Variants in C14orf39 observed in about 807,000 individuals in gnomAD.
C14orf39 encodes the protein protein SIX6OS1.
Under a neutral mutation model 85.6 loss-of-function variants are expected in C14orf39, and 66 were observed. The ratio of observed to expected loss-of-function variants is 0.77; its 90% CI spans 0.63 to 0.95. C14orf39 has a LOEUF of 0.95. Among genes scored for constraint, C14orf39 ranks in the 40% least tolerant of loss-of-function variants. The probability of loss-of-function intolerance (pLI) is 0.00; values close to 1 mark genes in which losing one functional copy is unlikely to be tolerated. For missense variants in C14orf39, 735 were observed against 663.9 expected (o/e 1.11, Z -1.18); for synonymous variants, 242 against 214.0 (o/e 1.13, Z -1.14).
chr14:60,459,866 A>G (rs1223329712), intron 13 of C14orf39, among the ~76,000 whole-genome samples: 1 of 151,766 alleles, frequency 6.6e-6, no homozygotes, highest in Non-Finnish European at 1.5e-5. Context: ...AAACTACTCT[A>G]TTGAAAGTTT....
chr14:60,462,407 A>C (rs1891574248), intron 11 of C14orf39, among the ~76,000 whole-genome samples: 1 of 152,180 alleles, frequency 6.6e-6, no homozygotes, highest in South Asian at 2.1e-4. Context: ...AAATTGTTTA[A>C]TATCAATATC....
intron 5 of C14orf39, among the ~76,000 whole-genome samples, chr14:60,475,054 A>G (rs537957458): frequency 3.3e-4 from 50 of 152,264 alleles, no homozygotes; most frequent in African/African-American, 1.2e-3. Context: ...TTGGTAAACT[A>G]TTAATTATTT....
chr14:60,469,771 T>A, intron 7 of C14orf39, 118 bp from the exon 8 acceptor site: 1 of 461,950 alleles, frequency 2.2e-6, no homozygotes, highest in Non-Finnish European at 3.5e-6. Context: ...ATATAAACAG[T>A]AAGCAATATT....
intron 1 of C14orf39, chr14:60,509,908 G>A: frequency 6.2e-7 from 1 of 1,612,246 alleles, no homozygotes; most frequent in Non-Finnish European, 8.5e-7. Flanking sequence ...TGACCCCTAC[G>A]CAGGTGGGCA....
intron 1 of C14orf39, among the ~76,000 whole-genome samples, chr14:60,505,288 T>C (rs1893188346): frequency 6.6e-6 from 1 of 152,200 alleles, no homozygotes; most frequent in South Asian, 2.1e-4. Context: ...AAGTAGGATA[T>C]TGAATTCATT....
rs770969779 is a variant in C14orf39, at chr14:60,466,940, T to C, written c.872A>G (p.His291Arg). The part of the protein sequence containing the change: ...SQKLVRPIKM[H>R]SSEPRVADIK... Reference sequence around the variant, plus strand: ...ACCTGCAACTCTTGGTTCTGAAGAATGCATCTTTATTGGTCTTACTAATTT... The same window carrying C: ...ACCTGCAACTCTTGGTTCTGAAGAACGCATCTTTATTGGTCTTACTAATTT... Residue 291 changes from histidine to arginine, a missense_variant, in exon 10 of 18, where the codon CAT becomes CGT. Transcript: ENST00000321731. 4.7e-6 allele frequency: 7 copies of C among 1,485,484 alleles called. No homozygotes were observed. The highest frequency in any genetic ancestry group is 2.6e-5 in the East Asian group (1 of 38,742). The allele number at this position is 1,485,484 out of a possible 1,614,324, so 92.0% of individuals were successfully genotyped here.
intron 17 of C14orf39, among the ~76,000 whole-genome samples, chr14:60,440,427 T>C (rs966660850): frequency 2.6e-5 from 4 of 152,220 alleles, no homozygotes; most frequent in African/African-American, 9.6e-5. Flanking sequence ...TCAATCCTTA[T>C]ATCCAGTCCA....
At chr14:60,504,435 A>G (rs909055650) in intron 1 of C14orf39, among the ~76,000 whole-genome samples, 5 of 152,240 alleles carry the variant, frequency 3.3e-5, no homozygotes, top group Non-Finnish European at 4.4e-5. Flanking sequence ...CTTTCACATC[A>G]TTGAATTTTA....
chr14:60,446,338 A>G (rs1890764951), intron 16 of C14orf39, among the ~76,000 whole-genome samples: 1 of 152,200 alleles, frequency 6.6e-6, no homozygotes. Flanking sequence ...GAAGAATCAA[A>G]TAGATGCAAT....
intron 16 of C14orf39, among the ~76,000 whole-genome samples, chr14:60,448,981 A>T (rs1403723077): frequency 1.3e-5 from 2 of 152,186 alleles, no homozygotes; most frequent in Non-Finnish European, 2.9e-5. Context: ...GTGGAAACTG[A>T]ACAATGAGAA....
intron 5 of C14orf39, among the ~76,000 whole-genome samples, chr14:60,473,042 T>A (rs1892180853): frequency 6.6e-6 from 1 of 152,186 alleles, no homozygotes; most frequent in Admixed American, 6.5e-5. Flanking sequence ...GTGTTCCTAT[T>A]TCCCCACATC....
At chr14:60,440,928 G>T (rs1890481396) in intron 17 of C14orf39, among the ~76,000 whole-genome samples, 1 of 152,024 alleles carries the variant, frequency 6.6e-6, no homozygotes. Context: ...TTGACTTTTA[G>T]TGATGCCTTT....
At chr14:60,453,917 TATTC>T (rs1166568500) in intron 16 of C14orf39, among the ~76,000 whole-genome samples, 1 of 151,976 alleles carries the variant, frequency 6.6e-6, no homozygotes. Flanking sequence ...TGTGTTTATG[TATTC>T]ATTAACTTTT....
At chr14:60,443,314 C>T (rs941195207) in intron 16 of C14orf39, among the ~76,000 whole-genome samples, 13 of 152,152 alleles carry the variant, frequency 8.5e-5, no homozygotes, top group South Asian at 4.1e-4. Flanking sequence ...AGTACACTCC[C>T]GCCCAAATAC....
intron 11 of C14orf39, among the ~76,000 whole-genome samples, chr14:60,463,386 TTATCA>T (rs1891625176): frequency 1.3e-5 from 2 of 152,188 alleles, no homozygotes; most frequent in African/African-American, 2.4e-5. Flanking sequence ...TTAGTGTCTC[TTATCA>T]TATATGTTTT....
At chr14:60,464,695 T>C (rs1311667923) in intron 11 of C14orf39, among the ~76,000 whole-genome samples, 2 of 152,132 alleles carry the variant, frequency 1.3e-5, no homozygotes, top group Non-Finnish European at 2.9e-5. Context: ...ATTTGCCTGA[T>C]ATATTTTCTT....
At chr14:60,483,449 A>G (rs902777026) in intron 4 of C14orf39, among the ~76,000 whole-genome samples, 1 of 152,210 alleles carries the variant, frequency 6.6e-6, no homozygotes, top group Non-Finnish European at 1.5e-5. Context: ...TTATATACTG[A>G]GCTTATTCAA....
chr14:60,442,019 T>C, intron 17 of C14orf39, 55 bp downstream of exon 17: 1 of 1,220,834 alleles, frequency 8.2e-7, no homozygotes, highest in Non-Finnish European at 1.2e-6. Context: ...AGAAACTAAA[T>C]ACTGTACTAA....
rs371670992 is a variant in C14orf39 at position 60,458,743 on chromosome 14, T to C, written c.1118-4A>G. 1.8e-5 allele frequency: 29 copies of C among 1,591,596 alleles called. No homozygotes were observed. Among genetic ancestry groups the C allele is most frequent in the Non-Finnish European group, 2.5e-5 (29 of 1,167,574 alleles). On this transcript the variant is annotated splice_polypyrimidine_tract_variant and splice_region_variant and intron_variant, in intron 13 of 17. Transcript: ENST00000321731. ...CCTTTATCTCCATACTCAGCATCTG[T>C]TGTCATATGAGAACAAACTATTTTT... is the stretch of plus-strand genomic sequence containing the variant.
Sources: gnomAD v4.1 joint callset for allele counts (sites outside exome capture counted in the v4.1 genomes callset) on GRCh38, gnomAD v4.1.1 for gene constraint, MANE v1.5 for transcripts, NCBI Gene and HGNC (gene_info 2026-07-23, HGNC 2026-07-21) for gene names.